SH3BP4: variants seen among roughly 807,000 people sequenced by gnomAD.
The protein encoded by SH3BP4 is SH3 domain-binding protein 4.
In SH3BP4, 33 loss-of-function variants were observed where a neutral mutation model predicts 65.5. The ratio of observed to expected loss-of-function variants is 0.50; its 90% CI spans 0.38 to 0.67. SH3BP4 has a LOEUF of 0.67. SH3BP4 is among the 30% of genes least tolerant of loss of function. The pLI, the probability that SH3BP4 is intolerant of heterozygous loss-of-function variation, is 0.00. For synonymous variants in SH3BP4, 552 were observed against 545.5 expected (o/e 1.01, Z -0.17); for missense variants, 1,134 against 1,261.4 (o/e 0.90, Z 1.53).
intron 2 of SH3BP4, among the ~76,000 whole-genome samples, chr2:235,006,195 G>A (rs1425873650): frequency 6.6e-6 from 1 of 152,238 alleles, no homozygotes; most frequent in Non-Finnish European, 1.5e-5. Flanking sequence ...CCAGCAGGTG[G>A]GAGATGGGAG....
intron 2 of SH3BP4, among the ~76,000 whole-genome samples, chr2:235,014,088 C>A (rs1370936611): frequency 1.3e-5 from 2 of 151,170 alleles, no homozygotes; most frequent in African/African-American, 4.9e-5. Context: ...ATATGTTAAT[C>A]AACTTAAAAA....
At chr2:234,999,768 G>A (rs766276009) in intron 2 of SH3BP4, among the ~76,000 whole-genome samples, 2 of 152,208 alleles carry the variant, frequency 1.3e-5, no homozygotes, top group Non-Finnish European at 2.9e-5. Context: ...GATCCAGAAA[G>A]AGAGCACAGT....
intron 1 of SH3BP4, among the ~76,000 whole-genome samples, chr2:234,963,007 C>T (rs1469469255): frequency 6.6e-6 from 1 of 152,210 alleles, no homozygotes; most frequent in Non-Finnish European, 1.5e-5. Flanking sequence ...GCCTCAGCCT[C>T]CCAAAGTGCT....
chr2:234,985,892 C>G (rs747398275), intron 1 of SH3BP4, among the ~76,000 whole-genome samples: 1 of 151,872 alleles, frequency 6.6e-6, no homozygotes, highest in Non-Finnish European at 1.5e-5. Flanking sequence ...TGCAGGTGAA[C>G]CAGCCCTCGA....
intron 1 of SH3BP4, among the ~76,000 whole-genome samples, chr2:234,990,070 G>C (rs548159398): frequency 6.6e-6 from 1 of 152,342 alleles, no homozygotes; most frequent in African/African-American, 2.4e-5. Flanking sequence ...TATAAGGTAC[G>C]GATGAAACAT....
Position 234,970,241 on chromosome 2 carries a change from G to A in SH3BP4, c.-207+18071G>A, listed in dbSNP as rs116791160. 8.1e-3 allele frequency among the ~76,000 whole-genome samples: 1,232 copies of A among 152,340 alleles called. 8 individuals are homozygous for A. The highest frequency in any genetic ancestry group is 0.018 in the African/African-American group (760 of 41,584). On this transcript the variant is annotated intron_variant, in intron 1 of 5. Transcript: ENST00000392011. ...AACATTTGGGAACGCTGATGCCGAA[G>A]GACTGGCCGGATGGAATCTTAAATG...
rs2106334549 is a variant in SH3BP4 at position 235,042,237 on chromosome 2, A to G, written c.1468A>G (p.Thr490Ala). The part of the protein sequence containing the change: ...GPKHIHPSFK[T>A]VVTIFGHDCA... ...TAAACACATCCACCCATCCTTCAAG[A>G]CGGTAGTGACCATTTTTGGGCATGA... Residue 490 changes from threonine to alanine, a missense_variant, in exon 4 of 6, where the codon ACG (threonine) becomes GCG (alanine). Transcript: ENST00000392011. This position sits in a 1 kb window ranked among gnomAD's most constrained non-coding sequence, Gnocchi z 7.3. 1.2e-6 allele frequency: 2 copies of G among 1,613,924 alleles called. No individual in the cohort carries two copies. Among genetic ancestry groups the G allele is most frequent in the East Asian group, 2.2e-5 (1 of 44,846 alleles).
intron 1 of SH3BP4, among the ~76,000 whole-genome samples, chr2:234,986,153 A>G (rs775561576): frequency 2.0e-5 from 3 of 152,208 alleles, no homozygotes; most frequent in South Asian, 2.1e-4. Context: ...ACTCACACCT[A>G]TGAGCACAGA....
intron 2 of SH3BP4, among the ~76,000 whole-genome samples, chr2:235,018,581 A>G (rs1694758642): frequency 6.6e-6 from 1 of 152,194 alleles, no homozygotes; most frequent in Non-Finnish European, 1.5e-5. Flanking sequence ...TTTTGAGCAA[A>G]AAAGATAGGT....
At chr2:235,019,968 T>A (rs1694804204) in intron 2 of SH3BP4, among the ~76,000 whole-genome samples, 1 of 151,790 alleles carries the variant, frequency 6.6e-6, no homozygotes, top group Non-Finnish European at 1.5e-5. Context: ...TTGAATTGAT[T>A]ATTGATCAGA....
At chr2:234,966,345 G>C (rs1692837812) in intron 1 of SH3BP4, among the ~76,000 whole-genome samples, 1 of 152,176 alleles carries the variant, frequency 6.6e-6, no homozygotes, top group Admixed American at 6.5e-5. Flanking sequence ...CTCCAGCCTG[G>C]GCAACCAGAG....
chr2:235,037,519 C>T (rs988905352), intron 3 of SH3BP4, among the ~76,000 whole-genome samples: 4 of 152,180 alleles, frequency 2.6e-5, no homozygotes, highest in African/African-American at 9.7e-5. Flanking sequence ...CTCATTGATA[C>T]ATTCTAGGCT....
rs1320549712 is a variant in SH3BP4 at position 235,033,810 on chromosome 2, G to A, written c.-132-1061G>A. Among the ~76,000 whole-genome samples, 1 of 152,188 alleles carries A rather than the reference G, an allele frequency of 6.6e-6. No individual in the cohort carries two copies. The highest frequency in any genetic ancestry group is 1.5e-5 in the Non-Finnish European group (1 of 68,024). On this transcript the variant is annotated intron_variant, in intron 2 of 5. Coordinates refer to ENST00000392011, the MANE Select transcript of SH3BP4 (RefSeq NM_014521.3). The surrounding 1 kb of genome is among the most constrained non-coding windows in gnomAD (Gnocchi z 5.7). ...TGCTGCAGAAACGTTGCAAAGGGTGGTGTCAGGGCCTCCGGGTCTCTGCAT... is the reference window on the plus strand; with the variant it reads ...TGCTGCAGAAACGTTGCAAAGGGTGATGTCAGGGCCTCCGGGTCTCTGCAT...
chr2:235,006,527 C>T (rs1280266932), intron 2 of SH3BP4, among the ~76,000 whole-genome samples: 1 of 152,158 alleles, frequency 6.6e-6, no homozygotes, highest in African/African-American at 2.4e-5. Flanking sequence ...GACCACAGGA[C>T]TCTCAGAAGC....
Position 235,054,067 on chromosome 2 carries a change from A to T in SH3BP4, c.*251A>T, listed in dbSNP as rs886747712. 10 of 424,590 alleles carry T rather than the reference A, an allele frequency of 2.4e-5. No homozygotes were observed. Among genetic ancestry groups the T allele is most frequent in the Admixed American group, 1.5e-4 (4 of 26,616 alleles). The allele number at this position is 424,590 out of a possible 1,614,324, so 26.3% of individuals were successfully genotyped here. Reference sequence around the variant, plus strand: ...TAAGTATAAATTTAAATTTAAAATCACTTTTTTAACGAATGGGGGGAAGGG... The same window carrying T: ...TAAGTATAAATTTAAATTTAAAATCTCTTTTTTAACGAATGGGGGGAAGGG... On this transcript the variant is annotated 3_prime_UTR_variant, in exon 6 of 6. Transcript: ENST00000392011.
At chr2:235,019,462 G>A (rs1209693031) in intron 2 of SH3BP4, among the ~76,000 whole-genome samples, 2 of 145,514 alleles carry the variant, frequency 1.4e-5, no homozygotes, top group Non-Finnish European at 3.0e-5. Flanking sequence ...TTGAGATGGA[G>A]TTTCGATTTT....
rs1693981389 is a variant in SH3BP4, at chr2:234,998,147, G to C, written c.-133+2771G>C. 1.3e-5 allele frequency among the ~76,000 whole-genome samples: 2 copies of C among 151,962 alleles called. 1 individual carries two copies. Among genetic ancestry groups the C allele is most frequent in the South Asian group, 4.2e-4 (2 of 4,808 alleles). On this transcript the variant is annotated intron_variant, in intron 2 of 5. Transcript: ENST00000392011. Reference sequence around the variant, plus strand: ...CCAAAAAAAAATAAAAAATAAAAAAGTCTCGGAGCCCAGCCTGCAGACCGG... The same window carrying C: ...CCAAAAAAAAATAAAAAATAAAAAACTCTCGGAGCCCAGCCTGCAGACCGG...
chr2:234,999,828 T>G (rs890471502), intron 2 of SH3BP4, among the ~76,000 whole-genome samples: 2 of 152,212 alleles, frequency 1.3e-5, no homozygotes, highest in Non-Finnish European at 2.9e-5. Context: ...AATTAGACTT[T>G]CCTCTCACCT....
intron 1 of SH3BP4, among the ~76,000 whole-genome samples, chr2:234,986,550 C>G (rs925710513): frequency 6.6e-6 from 1 of 152,152 alleles, no homozygotes; most frequent in African/African-American, 2.4e-5. Flanking sequence ...CTTACTGCAG[C>G]CTGTGTGGTC....
Sources: gnomAD v4.1 joint callset for allele counts (sites outside exome capture counted in the v4.1 genomes callset) on GRCh38, gnomAD v4.1.1 for gene constraint, Gnocchi (gnomAD v3.1) non-coding constraint, MANE v1.5 for transcripts, NCBI Gene and HGNC (gene_info 2026-07-23, HGNC 2026-07-21) for gene names.